The following RAP1B variants were observed in gnomAD, a reference collection of about 807,000 sequenced individuals.
RAP1B encodes RAP1B, member of RAS oncogene family.
RAP1B carries 1 observed loss-of-function variant against 27.5 expected under a neutral mutation model. The observed-to-expected ratio is 0.04, with a 90% CI of 0.01 to 0.17. RAP1B has a LOEUF of 0.17. RAP1B is among the 10% of genes least tolerant of loss of function. The pLI is 1.00. For missense variants in RAP1B, 84 were observed against 214.8 expected (o/e 0.39, Z 3.81); for synonymous variants, 75 against 73.1 (o/e 1.03, Z -0.13).
intron 1 of RAP1B, among the ~76,000 whole-genome samples, chr12:68,619,248 AC>A (rs1339004596): frequency 2.5e-4 from 38 of 152,340 alleles, no homozygotes; most frequent in African/African-American, 8.4e-4. Context: ...CATTAGGCTG[AC>A]ATTTTCTTGA....
At chr12:68,643,656 A>G (rs1195346992) in intron 1 of RAP1B, among the ~76,000 whole-genome samples, 1 of 152,174 alleles carries the variant, frequency 6.6e-6, no homozygotes, top group African/African-American at 2.4e-5. Flanking sequence ...TACTTTTCCA[A>G]CATCAATATT....
intron 6 of RAP1B, 75 bp downstream of exon 6, chr12:68,656,524 C>T: frequency 6.9e-7 from 1 of 1,456,162 alleles, no homozygotes. Flanking sequence ...TGTCTTAACC[C>T]CAAGTTAATA....
intron 1 of RAP1B, among the ~76,000 whole-genome samples, chr12:68,632,462 C>G (rs1371610736): frequency 1.3e-5 from 2 of 151,918 alleles, no homozygotes; most frequent in African/African-American, 4.8e-5. Flanking sequence ...ATTAACAAAG[C>G]AAAATTACTT....
intron 1 of RAP1B, among the ~76,000 whole-genome samples, chr12:68,632,429 C>T (rs1163837378): frequency 1.3e-5 from 2 of 152,046 alleles, no homozygotes; most frequent in Non-Finnish European, 2.9e-5. Context: ...CCACTATGCC[C>T]AGCCAAACAA....
In RAP1B at chr12:68,650,483, G is replaced by A; in HGVS notation, c.126+15G>A. On this transcript the variant is annotated intron_variant, in intron 3 of 7. Transcript: ENST00000250559. ...CTTATAGAAAGGTATATATTACTTT[G>A]GAAGGCCTTTTGCTTTTGATTTTAA... The A allele has an allele frequency of 1.4e-6, 2 of 1,473,702 alleles. No homozygotes were observed. Among genetic ancestry groups the A allele is most frequent in the South Asian group, 1.4e-5 (1 of 72,302 alleles). 91.3% of individuals were successfully genotyped at this position (1,473,702 alleles called of 1,614,324 possible). A position where few individuals can be genotyped will look rare whatever the true frequency, so the allele number is the denominator to read the frequency against.
intron 1 of RAP1B, among the ~76,000 whole-genome samples, chr12:68,612,811 C>T (rs1730972429): frequency 6.6e-6 from 1 of 151,648 alleles, no homozygotes; most frequent in South Asian, 2.1e-4. Context: ...GGTGTTTTCA[C>T]TTGCATTTCC....
At chr12:68,632,125 A>ATT (rs1211565843) in intron 1 of RAP1B, among the ~76,000 whole-genome samples, 2 of 107,142 alleles carry the variant, frequency 1.9e-5, no homozygotes, top group African/African-American at 9.2e-5. Flanking sequence ...TGGGTTTTGG[A>ATT]TTTGTTTTTT....
At chr12:68,642,127 A>G (rs1873056268) in intron 1 of RAP1B, among the ~76,000 whole-genome samples, 2 of 152,198 alleles carry the variant, frequency 1.3e-5, no homozygotes, top group Non-Finnish European at 2.9e-5. Flanking sequence ...TTCATAGACT[A>G]AAGATGAATA....
rs1874823021 is a variant in RAP1B, at chr12:68,665,850, C to T, written c.*6601C>T. The T allele has an allele frequency of 6.7e-6, 1 of 150,248 alleles. No homozygotes were observed. The highest frequency in any genetic ancestry group is 6.6e-5 in the Admixed American group (1 of 15,160). 9.3% of individuals were successfully genotyped at this position (150,248 alleles called of 1,614,324 possible). The stretch of plus-strand genomic sequence containing the variant: ...AACTTATATTTAAATTCAGCTGTAA[C>T]AAGACATCTTTTTTTTTTTTTTTGA... On this transcript the variant is annotated 3_prime_UTR_variant, in exon 8 of 8. Transcript: ENST00000250559.
intron 2 of RAP1B, 152 bp downstream of exon 2, chr12:68,648,933 T>A: frequency 1.5e-6 from 1 of 674,558 alleles, no homozygotes; most frequent in Non-Finnish European, 2.4e-6. Context: ...ATTCAACTTT[T>A]AATTATATCT....
intron 1 of RAP1B, among the ~76,000 whole-genome samples, chr12:68,619,119 C>T (rs892261239): frequency 1.3e-5 from 2 of 152,106 alleles, no homozygotes; most frequent in Non-Finnish European, 2.9e-5. Flanking sequence ...AACAAAAACA[C>T]TTGGCAGCAT....
rs766037253 is a variant in RAP1B at position 68,654,065 on chromosome 12, C to G, written c.184-47C>G. Reference sequence around the variant, plus strand: ...TAGACTGTGAAAATTGTAAAAATAACTGTCAAAACATTATTGTTTTTTAAC... The same window carrying G: ...TAGACTGTGAAAATTGTAAAAATAAGTGTCAAAACATTATTGTTTTTTAAC... On this transcript the variant is annotated intron_variant, in intron 4 of 7. Transcript: ENST00000250559. 1.1e-5 allele frequency: 16 copies of G among 1,479,984 alleles called. No individual in the cohort carries two copies. In the South Asian group the frequency reaches 1.9e-4, roughly 17 times the overall value. The allele number at this position is 1,479,984 out of a possible 1,614,324, so 91.7% of individuals were successfully genotyped here.
chr12:68,637,592 TC>T (rs1872711382), intron 1 of RAP1B, among the ~76,000 whole-genome samples: 1 of 48,910 alleles, frequency 2.0e-5, no homozygotes, highest in African/African-American at 8.5e-5. Flanking sequence ...AGAGTAAAAC[TC>T]CATCTCAAAA....
In RAP1B at chr12:68,665,600, G is replaced by A. The variant is rs1874812309; in HGVS notation, c.*6351G>A. 6.6e-6 allele frequency: 1 copy of A among 152,160 alleles called. No homozygotes were observed. The highest frequency in any genetic ancestry group is 1.5e-5 in the Non-Finnish European group (1 of 68,030). The allele number at this position is 152,160 out of a possible 1,614,324, so 9.4% of individuals were successfully genotyped here. ...AATTGAGAATACAGCATCTTTTATGGCAAAGAGCAAAATACTATTGTTCCT... is the reference window on the plus strand; with the variant it reads ...AATTGAGAATACAGCATCTTTTATGACAAAGAGCAAAATACTATTGTTCCT... On this transcript the variant is annotated 3_prime_UTR_variant, in exon 8 of 8. Transcript: ENST00000250559.
At chr12:68,635,298 AT>A (rs1872554126) in intron 1 of RAP1B, among the ~76,000 whole-genome samples, 1 of 152,166 alleles carries the variant, frequency 6.6e-6, no homozygotes. Context: ...TGACAGTTGA[AT>A]TAGTTGATTT....
rs1044801462 is a variant in RAP1B, at chr12:68,662,363, AGT to A, written c.*3117_*3118del. On this transcript the variant is annotated 3_prime_UTR_variant, in exon 8 of 8. Transcript: ENST00000250559. ...GTCTTTCACTTACATTTTTCTAAAA[AGT>A]GTAAAAACCCTGTATTGACTTTCTT... 2 of 152,128 alleles carry A rather than the reference AGT, an allele frequency of 1.3e-5. No homozygotes were observed. Among genetic ancestry groups the A allele is most frequent in the Non-Finnish European group, 2.9e-5 (2 of 68,014 alleles). The allele number at this position is 152,128 out of a possible 1,614,324, so 9.4% of individuals were successfully genotyped here. A position where few individuals can be genotyped will look rare whatever the true frequency, so the allele number is the denominator to read the frequency against.
chr12:68,642,052 T>C (rs775944621), intron 1 of RAP1B, among the ~76,000 whole-genome samples: 13 of 152,230 alleles, frequency 8.5e-5, no homozygotes, highest in Non-Finnish European at 1.8e-4. Flanking sequence ...TACAGTCTTT[T>C]CTGTTTAACG....
At chr12:68,650,279 G>T in intron 2 of RAP1B, 121 bp from the exon 3 acceptor site, 1 of 903,776 alleles carries the variant, frequency 1.1e-6, no homozygotes, top group Non-Finnish European at 1.6e-6. Context: ...TGTAGTATTG[G>T]CTGTGGTTTT....
At chr12:68,648,330 A>T (rs562405932) in intron 1 of RAP1B, among the ~76,000 whole-genome samples, 1 of 152,342 alleles carries the variant, frequency 6.6e-6, no homozygotes, top group South Asian at 2.1e-4. Context: ...GCTTGGCCAG[A>T]TACGTAAATA....
Sources: allele counts gnomAD v4.1 joint callset (sites outside exome capture counted in the v4.1 genomes callset), GRCh38; gene constraint gnomAD v4.1.1; transcripts MANE v1.5; gene names NCBI Gene and HGNC (gene_info 2026-07-23, HGNC 2026-07-21).